The following CSMD1 variants were observed in gnomAD, a reference collection of about 807,000 sequenced individuals.
The protein encoded by CSMD1 is CUB and sushi domain-containing protein 1.
Under a neutral mutation model 417.5 loss-of-function variants are expected in CSMD1, and 213 were observed. The observed-to-expected ratio is 0.51, with a 90% CI of 0.46 to 0.57. CSMD1 has a LOEUF of 0.57. Ranked by LOEUF, CSMD1 falls within the 20% of genes least tolerant of loss-of-function variation. The pLI is 0.00. For missense variants in CSMD1, 6,923 were observed against 4,529.7 expected (o/e 1.53, Z -15.17); for synonymous variants, 2,862 against 1,736.8 (o/e 1.65, Z -16.11).
At chr8:3,443,124 T>C (rs771421648) in intron 12 of CSMD1, among the ~76,000 whole-genome samples, 1 of 152,206 alleles carries the variant, frequency 6.6e-6, no homozygotes, top group Non-Finnish European at 1.5e-5. Flanking sequence ...CTAGCAGACA[T>C]CCACTAGTGA....
intron 41 of CSMD1, among the ~76,000 whole-genome samples, chr8:3,120,165 G>C: frequency 6.6e-6 from 1 of 152,124 alleles, no homozygotes; most frequent in East Asian, 1.9e-4. Context: ...GAAAAAGAGA[G>C]GTGGGCCAGA....
chr8:3,450,076 A>C (rs1429221476), intron 12 of CSMD1, among the ~76,000 whole-genome samples: 1 of 152,132 alleles, frequency 6.6e-6, no homozygotes, highest in Non-Finnish European at 1.5e-5. Flanking sequence ...GAAATTCGGA[A>C]AATCATCTGG....
intron 51 of CSMD1, among the ~76,000 whole-genome samples, chr8:3,027,492 A>G (rs973846812): frequency 6.6e-6 from 1 of 152,264 alleles, no homozygotes; most frequent in African/African-American, 2.4e-5. Flanking sequence ...AGCTACAGAT[A>G]TTAATAAAAT....
At chr8:4,711,899 T>C (rs1281014940) in intron 1 of CSMD1, among the ~76,000 whole-genome samples, 1 of 152,196 alleles carries the variant, frequency 6.6e-6, no homozygotes, top group Non-Finnish European at 1.5e-5. Flanking sequence ...ACCAGCTGGA[T>C]TAAGTGCCTA....
chr8:4,991,989 G>A (rs892055206), intron 1 of CSMD1, among the ~76,000 whole-genome samples: 1 of 152,136 alleles, frequency 6.6e-6, no homozygotes, highest in South Asian at 2.1e-4. Flanking sequence ...CCCTCCGCGC[G>A]CACACACTTG....
intron 1 of CSMD1, among the ~76,000 whole-genome samples, chr8:4,755,375 C>T (rs1390875166): frequency 6.6e-6 from 1 of 152,192 alleles, no homozygotes; most frequent in Non-Finnish European, 1.5e-5. Flanking sequence ...CTATAACCTT[C>T]AAAGTGCTGC....
Position 3,363,509 on chromosome 8 carries a change from A to T in CSMD1, c.3115+3523T>A, listed in dbSNP as rs879416706. Among the ~76,000 whole-genome samples, 30 of 138,340 alleles carry T rather than the reference A, an allele frequency of 2.2e-4. 1 individual carries two copies. Among genetic ancestry groups the T allele is most frequent in the Admixed American group, 2.2e-3 (29 of 13,482 alleles). 90.8% of individuals were successfully genotyped at this position (138,340 alleles called of 152,430 possible). A position where few individuals can be genotyped will look rare whatever the true frequency, so the allele number is the denominator to read the frequency against. On this transcript the variant is annotated intron_variant, in intron 20 of 69. Transcript: ENST00000635120. ...GTTTTGCCTGGTGAAAAATGTAGAA[A>T]GGCTTATTTATTTATTTATTTATTT...
In CSMD1 at chr8:3,284,177, T is replaced by C; in HGVS notation, c.4120A>G (p.Ile1374Val). The change falls in exon 26 of 70, where the codon ATC (isoleucine) becomes GTC (valine). Residue 1374 changes from isoleucine to valine, a missense_variant. Coordinates refer to ENST00000635120, the MANE Select transcript of CSMD1 (RefSeq NM_033225.6). ...LTLQFDSDFF[I>V]SKSGFSIQFS... ...TGGATGGAGAAGCCAGACTTGCTGA[T>C]GAAGAAGTCGCTGTCGAACTGCAGG... The C allele has an allele frequency of 6.3e-7, 1 of 1,586,892 alleles. No homozygotes were observed. Among genetic ancestry groups the C allele is most frequent in the Non-Finnish European group, 8.6e-7 (1 of 1,166,864 alleles).
intron 2 of CSMD1, among the ~76,000 whole-genome samples, chr8:4,519,294 G>T (rs900152304): frequency 1.3e-5 from 2 of 151,672 alleles, no homozygotes; most frequent in African/African-American, 2.4e-5. Context: ...TCTTTTAAAT[G>T]GAAGAGTACC....
At chr8:3,704,252 C>T (rs1801038865) in intron 7 of CSMD1, among the ~76,000 whole-genome samples, 2 of 152,100 alleles carry the variant, frequency 1.3e-5, no homozygotes, top group African/African-American at 2.4e-5. Flanking sequence ...AGTCAGTCTG[C>T]ACCTGGACAG....
At chr8:4,993,999 G>C (rs917669624) in intron 1 of CSMD1, among the ~76,000 whole-genome samples, 1 of 152,198 alleles carries the variant, frequency 6.6e-6, no homozygotes, top group East Asian at 1.9e-4. Context: ...TCTCGGAGGA[G>C]GCAACACCGC....
intron 49 of CSMD1, among the ~76,000 whole-genome samples, chr8:3,063,487 G>C (rs974249896): frequency 6.6e-6 from 1 of 152,186 alleles, no homozygotes; most frequent in African/African-American, 2.4e-5. Context: ...TGCAGAAATT[G>C]CACTTCTGGC....
chr8:3,600,902 T>A (rs1003036390), intron 8 of CSMD1, among the ~76,000 whole-genome samples: 1 of 152,180 alleles, frequency 6.6e-6, no homozygotes, highest in South Asian at 2.1e-4. Context: ...AATAAAAAAA[T>A]GGTTTTGCTA....
chr8:4,110,637 G>T (rs77023741), intron 3 of CSMD1, among the ~76,000 whole-genome samples: 8 of 152,172 alleles, frequency 5.3e-5, no homozygotes, highest in African/African-American at 1.4e-4. Context: ...GATATATACA[G>T]GTGTGTGTGT....
Position 3,476,907 on chromosome 8 carries a change from C to T in CSMD1, c.1449-8083G>A, listed in dbSNP as rs1338447631. On this transcript the variant is annotated intron_variant, in intron 11 of 69. Coordinates refer to ENST00000635120, the MANE Select transcript of CSMD1 (RefSeq NM_033225.6). ...CACCCTGAGCAACAGAGCGAAACTC[C>T]GCCTCAAAAAAAAAAAAAAAAAAAA... Among the ~76,000 whole-genome samples, 9 of 87,118 alleles carry T rather than the reference C, an allele frequency of 1.0e-4. 1 individual carries two copies. The highest frequency in any genetic ancestry group is 1.9e-4 in the Non-Finnish European group (8 of 42,338). 57.2% of individuals were successfully genotyped at this position (87,118 alleles called of 152,430 possible).
At chr8:4,074,103 T>G (rs942836981) in intron 3 of CSMD1, among the ~76,000 whole-genome samples, 1 of 152,104 alleles carries the variant, frequency 6.6e-6, no homozygotes, top group East Asian at 1.9e-4. Flanking sequence ...ATTTATTAAG[T>G]GAGCTTAAAT....
At chr8:3,243,465 A>T (rs1173494065) in intron 26 of CSMD1, among the ~76,000 whole-genome samples, 1 of 132,774 alleles carries the variant, frequency 7.5e-6, no homozygotes, top group African/African-American at 2.7e-5. Flanking sequence ...ATTACAGTCA[A>T]AGGGGGTTGT....
At chr8:3,759,518 G>C (rs750316682) in intron 5 of CSMD1, among the ~76,000 whole-genome samples, 3 of 152,114 alleles carry the variant, frequency 2.0e-5, no homozygotes, top group African/African-American at 4.8e-5. Context: ...TAAACAAATA[G>C]TTTGGAAAAT....
intron 2 of CSMD1, among the ~76,000 whole-genome samples, chr8:4,600,820 A>G (rs1248283883): frequency 2.0e-5 from 3 of 152,178 alleles, no homozygotes; most frequent in African/African-American, 7.2e-5. Flanking sequence ...AATCTTGACA[A>G]ACTTACATAT....
Sources: gnomAD v4.1 joint callset for allele counts (sites outside exome capture counted in the v4.1 genomes callset) on GRCh38, gnomAD v4.1.1 for gene constraint, MANE v1.5 for transcripts, NCBI Gene and HGNC (gene_info 2026-07-23, HGNC 2026-07-21) for gene names.